The following MYOM3 variants were observed in gnomAD, a reference collection of about 807,000 sequenced individuals.
The protein encoded by MYOM3 is myomesin-3.
A neutral mutation model predicts 191.7 loss-of-function variants in MYOM3; 155 were observed. That is an observed-to-expected ratio of 0.81 (90% CI 0.71 to 0.92). The LOEUF (loss-of-function observed/expected upper bound fraction) is 0.92, where lower values mean the gene tolerates loss of function less well. Among genes scored for constraint, MYOM3 ranks in the 40% least tolerant of loss-of-function variants. The probability of loss-of-function intolerance (pLI) is 0.00; values close to 1 mark genes in which losing one functional copy is unlikely to be tolerated. For missense variants in MYOM3, 1,889 were observed against 1,890.6 expected (o/e 1.00, Z 0.02); for synonymous variants, 757 against 762.9 (o/e 0.99, Z 0.13).
chr1:24,090,893 G>A lies in MYOM3; in HGVS notation c.1336C>T (p.Arg446Trp), dbSNP rs201416125. The change falls in exon 12 of 37, where the codon CGG becomes TGG. Residue 446 changes from arginine (R) to tryptophan (W), a missense_variant. Arg to Trp is a moderately radical substitution (Grantham distance 101). Transcript: ENST00000374434. ...GLVEGQSYRF[R>W]VRAISRVGSS... ...CCTACCCTGCTGATGGCTCTCACCC[G>A]GAACCGATAGCTCTGACCTTCGACG... 1.4e-4 allele frequency: 228 copies of A among 1,613,914 alleles called. No homozygotes were observed. The highest frequency in any genetic ancestry group is 1.1e-3 in the Admixed American group (64 of 60,006).
chr1:24,061,086 A>T lies in MYOM3; in HGVS notation c.3972-4T>A. 1.2e-6 allele frequency: 2 copies of T among 1,614,174 alleles called. No homozygotes were observed. Among genetic ancestry groups the T allele is most frequent in the South Asian group, 2.2e-5 (2 of 91,064 alleles). On this transcript the variant is annotated splice_polypyrimidine_tract_variant and splice_region_variant and intron_variant, in intron 34 of 36. Transcript: ENST00000374434. ...CTTCTCGATGATGGCCAAGGTTCTGAAAAACAGAAATGGGAACAAGGTGTG... is the reference window on the plus strand; with the variant it reads ...CTTCTCGATGATGGCCAAGGTTCTGTAAAACAGAAATGGGAACAAGGTGTG...
Position 24,064,156 on chromosome 1 carries a change from A to C in MYOM3, c.3538T>G (p.Ser1180Ala), listed in dbSNP as rs752537105. The C allele has an allele frequency of 9.3e-6, 15 of 1,613,042 alleles. No homozygotes were observed. In the East Asian group the frequency reaches 3.3e-4, roughly 36 times the overall value. ...GTGLLCIEELSKKDKGIYRAM... is the reference protein window; with the variant it reads ...GTGLLCIEELAKKDKGIYRAM... Reference sequence around the variant, plus strand: ...CTGTAAATTCCCTTGTCCTTTTTGGACAACTGGAAAGAAGGATGAGCGATG... The same window carrying C: ...CTGTAAATTCCCTTGTCCTTTTTGGCCAACTGGAAAGAAGGATGAGCGATG... The change falls in exon 30 of 37, where the codon TCC becomes GCC. Residue 1180 changes from serine to alanine, a missense_variant. Physicochemically the swap from Ser to Ala is moderately conservative, Grantham distance 99. Transcript: ENST00000374434.
intron 20 of MYOM3, among the ~76,000 whole-genome samples, chr1:24,078,447 T>G (rs1643628109): frequency 6.6e-6 from 1 of 152,180 alleles, no homozygotes; most frequent in South Asian, 2.1e-4. Flanking sequence ...TACAAGGACA[T>G]AATCCATGTA....
rs747193528 is a variant in MYOM3 at position 24,067,052 on chromosome 1, G to A, written c.3392C>T (p.Thr1131Met). 1.1e-5 allele frequency: 17 copies of A among 1,578,826 alleles called. No homozygotes were observed. In the Admixed American group the frequency reaches 2.0e-4, roughly 18 times the overall value. The change falls in exon 28 of 37, where the codon ACG (threonine) becomes ATG (methionine). Residue 1131 changes from threonine to methionine, a missense_variant. Transcript: ENST00000374434. ...YFERPLQWKV[T>M]EDCQVQLTCK... ...CGTCAGCTGCACTTGGCAGTCCTCC[G>A]TGACCTTCCACTGCAACGGCCGCTC...
chr1:24,104,571 G>A (rs183612331), intron 5 of MYOM3, among the ~76,000 whole-genome samples: 1 of 152,260 alleles, frequency 6.6e-6, no homozygotes, highest in East Asian at 1.9e-4. Context: ...CGCCTCCCGG[G>A]TTCAAGCGAT....
Position 24,069,531 on chromosome 1 carries a change from TTTC to T in MYOM3, c.3151-1167_3151-1165del, listed in dbSNP as rs1557603536. Reference sequence around the variant, plus strand: ...CCCTCTTTCTATAATACATGTTTTCTTTCTTCTTTTTTTTGTCATTGGACCTTT... The same window carrying T: ...CCCTCTTTCTATAATACATGTTTTCTTTCTTTTTTTTGTCATTGGACCTTT... On this transcript the variant is annotated intron_variant, in intron 25 of 36. Coordinates refer to ENST00000374434, the MANE Select transcript of MYOM3 (RefSeq NM_152372.4). 2.0e-5 allele frequency among the ~76,000 whole-genome samples: 3 copies of T among 152,042 alleles called. No homozygotes were observed. The East Asian group carries it at 5.8e-4, about 29-fold the overall frequency.
chr1:24,081,227 C>T (rs749534194), intron 19 of MYOM3, 103 bp downstream of exon 19: 40 of 1,460,110 alleles, frequency 2.7e-5, no homozygotes, highest in Non-Finnish European at 3.6e-5. Context: ...ACAAACAGTG[C>T]AAGCCTGAAT....
At position 24,062,167 on chromosome 1, in the gene MYOM3, C is replaced by A. The variant is rs533930725; in HGVS notation, c.3771-58G>T. 2.6e-5 allele frequency: 41 copies of A among 1,592,884 alleles called. No homozygotes were observed. In the South Asian group the frequency reaches 4.4e-4, roughly 17 times the overall value. ...GCCTGTCTGCAGGTCAACAGATACCCGTGCCCCAAAATCCTCTCCTCTGGT... is the reference window on the plus strand; with the variant it reads ...GCCTGTCTGCAGGTCAACAGATACCAGTGCCCCAAAATCCTCTCCTCTGGT... On this transcript the variant is annotated intron_variant, in intron 32 of 36. Coordinates refer to ENST00000374434, the MANE Select transcript of MYOM3 (RefSeq NM_152372.4).
chr1:24,061,237 C>T, intron 34 of MYOM3, 36 bp downstream of exon 34: 1 of 1,613,424 alleles, frequency 6.2e-7, no homozygotes, highest in African/African-American at 1.3e-5. Context: ...CTGAAGGGGC[C>T]TATAATTCAC....
rs140656616 is a variant in MYOM3 at position 24,093,538 on chromosome 1, C to T, written c.929-430G>A. Among the ~76,000 whole-genome samples the T allele has an allele frequency of 3.0e-3, 445 of 147,676 alleles. 4 individuals are homozygous for T. Among genetic ancestry groups the T allele is most frequent in the African/African-American group, 0.01 (411 of 40,004 alleles). On this transcript the variant is annotated intron_variant, in intron 9 of 36. Coordinates refer to ENST00000374434, the MANE Select transcript of MYOM3 (RefSeq NM_152372.4). ...TGAGAGAGCTGGGGCCTCGGTGAGG[C>T]GGGTGGAGGACGTGTCGTGGGGTCA...
chr1:24,096,733 C>T (rs1235997700), intron 7 of MYOM3, among the ~76,000 whole-genome samples: 2 of 150,742 alleles, frequency 1.3e-5, no homozygotes, highest in South Asian at 2.1e-4. Flanking sequence ...TATGAGTGCA[C>T]GTGTGTGTGT....
rs907268694 is a variant in MYOM3 at position 24,087,915 on chromosome 1, C to A, written c.1615-1088G>T. Among the ~76,000 whole-genome samples the A allele has an allele frequency of 6.6e-6, 1 of 152,120 alleles. No individual in the cohort carries two copies. Among genetic ancestry groups the A allele is most frequent in the African/African-American group, 2.4e-5 (1 of 41,408 alleles). ...CAAATGAATGAATTCTCACAATAAC[C>A]CTGCAGGAAGGTGTTAATTTCTCTG... On this transcript the variant is annotated intron_variant, in intron 14 of 36. Transcript: ENST00000374434. This position sits in a 1 kb window ranked among gnomAD's most constrained non-coding sequence, Gnocchi z 4.5.
intron 22 of MYOM3, among the ~76,000 whole-genome samples, chr1:24,075,034 G>A (rs1405793077): frequency 2.0e-5 from 3 of 152,092 alleles, no homozygotes; most frequent in Admixed American, 1.3e-4. Context: ...CCGAGATCAT[G>A]CCATTGCACA....
chr1:24,082,142 C>A lies in MYOM3; in HGVS notation c.2139G>T (p.Lys713Asn). Residue 713 changes from lysine to asparagine, a missense_variant, in exon 18 of 37, where the codon AAG becomes AAT. Coordinates refer to ENST00000374434, the MANE Select transcript of MYOM3 (RefSeq NM_152372.4). Reference sequence around the variant, plus strand: ...GTTTCCACCCAATGACCATTTCATTCTTCCCGCAGTTCAGGAGGGCAAAGC... The same window carrying A: ...GTTTCCACCCAATGACCATTTCATTATTCCCGCAGTTCAGGAGGGCAAAGC... Reference protein sequence around the residue: ...PYGFALLNCGKNEMVIGWKPP... With the variant: ...PYGFALLNCGNNEMVIGWKPP... 1.2e-6 allele frequency: 2 copies of A among 1,613,582 alleles called. No homozygotes were observed. Among genetic ancestry groups the A allele is most frequent in the Non-Finnish European group, 1.7e-6 (2 of 1,179,816 alleles).
chr1:24,071,606 A>G (rs1441492663), intron 24 of MYOM3, among the ~76,000 whole-genome samples: 2 of 152,086 alleles, frequency 1.3e-5, no homozygotes, highest in African/African-American at 4.8e-5. Context: ...AGGTGTCATC[A>G]TGGTTCTGTT....
In MYOM3 at chr1:24,087,825, A is replaced by G. The variant is rs948835779; in HGVS notation, c.1615-998T>C. 1.3e-5 allele frequency among the ~76,000 whole-genome samples: 2 copies of G among 152,176 alleles called. No homozygotes were observed. The highest frequency in any genetic ancestry group is 2.9e-5 in the Non-Finnish European group (2 of 68,030). On this transcript the variant is annotated intron_variant, in intron 14 of 36. Transcript: ENST00000374434. The surrounding 1 kb of genome is among the most constrained non-coding windows in gnomAD (Gnocchi z 4.5). ...CCCCTCCCCTGACTGCCGTGTCCCT[A>G]GGGCCAAGAACAGGACTGGCACATA...
intron 23 of MYOM3, among the ~76,000 whole-genome samples, 156 bp downstream of exon 23, chr1:24,074,004 A>G (rs760222429): frequency 3.9e-5 from 6 of 152,040 alleles, no homozygotes; most frequent in Admixed American, 6.5e-5. Flanking sequence ...TGCTCAACAG[A>G]TATCTATTGA....
rs563931692 is a variant in MYOM3 at position 24,080,383 on chromosome 1, G to C, written c.2408-189C>G. On this transcript the variant is annotated intron_variant, in intron 19 of 36. Transcript: ENST00000374434. ...GGCTTCATGACAAAGCCTGGCTCTGGGCCTGAAACCACGGTTAACTTTTCA... is the reference window on the plus strand; with the variant it reads ...GGCTTCATGACAAAGCCTGGCTCTGCGCCTGAAACCACGGTTAACTTTTCA... 3.9e-5 allele frequency among the ~76,000 whole-genome samples: 6 copies of C among 152,250 alleles called. No homozygotes were observed. The East Asian group carries it at 9.6e-4, about 24-fold the overall frequency.
At chr1:24,072,065 C>G (rs767853932) in intron 23 of MYOM3, 52 bp from the exon 24 acceptor site, 166 of 1,567,162 alleles carry the variant, frequency 1.1e-4, no homozygotes, top group Admixed American at 2.3e-4. Flanking sequence ...ATATCCTGGT[C>G]GGGGGTGGGG....
Sources: allele counts gnomAD v4.1 joint callset (sites outside exome capture counted in the v4.1 genomes callset), GRCh38; gene constraint gnomAD v4.1.1; non-coding constraint Gnocchi (gnomAD v3.1); transcripts MANE v1.5; gene names NCBI Gene and HGNC (gene_info 2026-07-23, HGNC 2026-07-21).